The following MRTFB variants were observed in gnomAD, a reference collection of about 807,000 sequenced individuals.
The protein encoded by MRTFB is myocardin-related transcription factor B.
Under a neutral mutation model 104.2 loss-of-function variants are expected in MRTFB, and 29 were observed. The ratio of observed to expected loss-of-function variants is 0.28; its 90% confidence interval spans 0.21 to 0.38. The LOEUF (loss-of-function observed/expected upper bound fraction) is 0.38, where lower values mean the gene tolerates loss of function less well. Ranked by LOEUF, MRTFB falls within the 10% of genes least tolerant of loss-of-function variation. The probability of loss-of-function intolerance (pLI) is 1.00; values close to 1 mark genes in which losing one functional copy is unlikely to be tolerated. For synonymous variants in MRTFB, 535 were observed against 519.5 expected, an observed-to-expected ratio of 1.03 and a Z score of -0.41; for missense variants, 1,270 against 1,341.6, an observed-to-expected ratio of 0.95 and a Z score of 0.83.
At chr16:14,215,591 CTG>C (rs1397564859) in intron 6 of MRTFB, among the ~76,000 whole-genome samples, 1 of 152,250 alleles carries the variant, frequency 6.6e-6, no homozygotes, top group Non-Finnish European at 1.5e-5. Context: ...AGACAGAAGT[CTG>C]TCCTACCTAG....
At chr16:14,248,221 A>G (rs1196828339) in intron 12 of MRTFB, 2 of 152,326 alleles carry the variant, frequency 1.3e-5, no homozygotes, top group Non-Finnish European at 2.9e-5. Flanking sequence ...GTTTTCACCA[A>G]ACATGGAGCA....
chr16:14,127,925 ATATATTTTTTTTTTTT>A (rs2037226264), intron 2 of MRTFB, among the ~76,000 whole-genome samples: 2 of 38,436 alleles, frequency 5.2e-5, no homozygotes, highest in African/African-American at 7.4e-4. Flanking sequence ...ATATATATAT[ATATATTTTTTTTTTTT>A]TTTTTTTTTT....
At chr16:14,023,770 G>T in the MRTFB span, among the ~76,000 whole-genome samples, 1 of 152,058 alleles carries the variant, frequency 6.6e-6, no homozygotes, top group Non-Finnish European at 1.5e-5. Context: ...TGGCACAAGG[G>T]CTGGGCGTGG....
chr16:14,220,134 G>A (rs935995627), intron 8 of MRTFB, among the ~76,000 whole-genome samples: 2 of 152,106 alleles, frequency 1.3e-5, no homozygotes, highest in African/African-American at 2.4e-5. Flanking sequence ...GTAGTATGAG[G>A]GTCAGTGACC....
At chr16:14,183,635 C>T (rs2039844307) in intron 3 of MRTFB, among the ~76,000 whole-genome samples, 1 of 152,038 alleles carries the variant, frequency 6.6e-6, no homozygotes, top group Admixed American at 6.5e-5. Context: ...GTAGGAATTA[C>T]ACACCTGAAC....
At chr16:14,051,732 C>T in the MRTFB span, among the ~76,000 whole-genome samples, 1 of 152,188 alleles carries the variant, frequency 6.6e-6, no homozygotes, top group Non-Finnish European at 1.5e-5. Flanking sequence ...TGGCAGACTT[C>T]ACAAGGTTCA....
intron 16 of MRTFB, among the ~76,000 whole-genome samples, chr16:14,260,375 A>G (rs763694579): frequency 6.6e-6 from 1 of 152,128 alleles, no homozygotes; most frequent in Non-Finnish European, 1.5e-5. Flanking sequence ...AAAAGGAAAA[A>G]AGAATGTAAT....
At chr16:14,099,382 G>GTTT (rs151000122) in intron 2 of MRTFB, among the ~76,000 whole-genome samples, 3,671 of 137,116 alleles carry the variant, frequency 0.027, 177 homozygotes, top group African/African-American at 0.092. Flanking sequence ...TTTTTGGTGG[G>GTTT]TTTTTTTTTT....
At chr16:14,121,097 G>T (rs1205761490) in intron 2 of MRTFB, among the ~76,000 whole-genome samples, 1 of 152,052 alleles carries the variant, frequency 6.6e-6, no homozygotes, top group Non-Finnish European at 1.5e-5. Context: ...TCTTACATCA[G>T]AAACTCTTTA....
the MRTFB span, among the ~76,000 whole-genome samples, chr16:14,024,127 C>A: frequency 7.5e-4 from 114 of 152,032 alleles, no homozygotes; most frequent in South Asian, 7.9e-3. Flanking sequence ...TATCAGCAAT[C>A]ACATTGCCGC....
chr16:14,020,397 T>C, the MRTFB span: 1 of 152,172 alleles, frequency 6.6e-6, no homozygotes, highest in Admixed American at 6.5e-5. Flanking sequence ...GTTTCACCCA[T>C]TGTTGTGGCT....
intron 1 of MRTFB, among the ~76,000 whole-genome samples, chr16:14,074,572 A>G (rs1325202041): frequency 6.6e-6 from 1 of 152,206 alleles, no homozygotes; most frequent in African/African-American, 2.4e-5. Context: ...TCTTAAAATT[A>G]GCATGTGGTT....
intron 4 of MRTFB, among the ~76,000 whole-genome samples, chr16:14,211,285 C>G (rs543211331): frequency 1.7e-4 from 26 of 152,070 alleles, no homozygotes; most frequent in African/African-American, 6.3e-4. Flanking sequence ...CCACCACATC[C>G]CTGACTATGA....
chr16:14,140,415 G>A, intron 2 of MRTFB, 129 bp from the exon 3 acceptor site: 1 of 584,034 alleles, frequency 1.7e-6, no homozygotes, highest in Non-Finnish European at 2.9e-6. Context: ...GTCCAGAGAG[G>A]GTAAATGGAT....
chr16:14,212,067 C>T (rs561097732), intron 4 of MRTFB, among the ~76,000 whole-genome samples: 2 of 152,290 alleles, frequency 1.3e-5, no homozygotes, highest in South Asian at 4.1e-4. Flanking sequence ...ACAGTCCCCT[C>T]GGCAATGGAG....
intron 3 of MRTFB, among the ~76,000 whole-genome samples, chr16:14,169,489 G>GT: frequency 6.6e-6 from 1 of 152,122 alleles, no homozygotes; most frequent in South Asian, 2.1e-4. Context: ...AAATTTTGGA[G>GT]TTTTTTATAT....
At chr16:14,047,030 G>C in the MRTFB span, among the ~76,000 whole-genome samples, 1 of 152,154 alleles carries the variant, frequency 6.6e-6, no homozygotes, top group African/African-American at 2.4e-5. Flanking sequence ...TGTGCCTAGC[G>C]GCTGGAGATG....
the MRTFB span, among the ~76,000 whole-genome samples, chr16:14,060,598 G>T: frequency 2.0e-5 from 3 of 152,106 alleles, no homozygotes; most frequent in African/African-American, 7.2e-5. Context: ...TGGTAATGCA[G>T]GGGTCTCAGG....
At chr16:14,023,506 G>C in the MRTFB span, among the ~76,000 whole-genome samples, 2 of 151,696 alleles carry the variant, frequency 1.3e-5, no homozygotes, top group South Asian at 2.1e-4. Context: ...CCCTGGGCAA[G>C]TTTTTAAGCT....
Sources: gnomAD v4.1 joint callset for allele counts (sites outside exome capture counted in the v4.1 genomes callset) on GRCh38, gnomAD v4.1.1 for gene constraint, MANE v1.5 for transcripts, NCBI Gene and HGNC (gene_info 2026-07-23, HGNC 2026-07-21) for gene names.